The following TRABD2B variants were observed in gnomAD, a reference collection of about 807,000 sequenced individuals.
The protein encoded by TRABD2B is metalloprotease TIKI2.
In TRABD2B, 14 loss-of-function variants were observed where a neutral mutation model predicts 40.1. The ratio of observed to expected loss-of-function variants is 0.35; its 90% confidence interval spans 0.23 to 0.55. The LOEUF (loss-of-function observed/expected upper bound fraction) is 0.55. Ranked by LOEUF, TRABD2B falls within the 20% of genes least tolerant of loss-of-function variation. The pLI is 0.90. For synonymous variants in TRABD2B, 263 were observed against 277.0 expected, an observed-to-expected ratio of 0.95 and a Z score of 0.50; for missense variants, 541 against 648.6, an observed-to-expected ratio of 0.83 and a Z score of 1.80.
chr1:47,776,872 G>A (rs749651953), intron 5 of TRABD2B, among the ~76,000 whole-genome samples: 2 of 152,312 alleles, frequency 1.3e-5, no homozygotes, highest in Non-Finnish European at 2.9e-5. Context: ...CAGGCTGCCT[G>A]GAGATGCCGC....
chr1:47,776,334 T>A (rs1644447171), intron 5 of TRABD2B, among the ~76,000 whole-genome samples: 1 of 152,008 alleles, frequency 6.6e-6, no homozygotes, highest in African/African-American at 2.4e-5. Context: ...GAAGGGCAAG[T>A]TACTTAATCA....
At chr1:47,985,952 C>G (rs1001139439) in intron 2 of TRABD2B, among the ~76,000 whole-genome samples, 1 of 152,064 alleles carries the variant, frequency 6.6e-6, no homozygotes, top group African/African-American at 2.4e-5. Context: ...TGAGCAAATG[C>G]ATGGAGGCAT....
chr1:47,835,251 C>T (rs2124465126), intron 2 of TRABD2B, among the ~76,000 whole-genome samples: 1 of 151,810 alleles, frequency 6.6e-6, no homozygotes, highest in African/African-American at 2.4e-5. Flanking sequence ...GTCTGAGGAA[C>T]AAAAAGATAA....
chr1:47,833,508 A>T (rs891509072), intron 2 of TRABD2B, among the ~76,000 whole-genome samples: 4 of 152,262 alleles, frequency 2.6e-5, no homozygotes, highest in Non-Finnish European at 4.4e-5. Context: ...AGAGGTTGTC[A>T]GGAGACAGAA....
At chr1:47,987,347 T>G (rs547353964) in intron 2 of TRABD2B, among the ~76,000 whole-genome samples, 4 of 152,282 alleles carry the variant, frequency 2.6e-5, no homozygotes, top group Admixed American at 2.6e-4. Flanking sequence ...AAGTGAAGAT[T>G]CTTTGAGTCC....
At chr1:47,837,520 C>T (rs1383192247) in intron 2 of TRABD2B, among the ~76,000 whole-genome samples, 1 of 152,166 alleles carries the variant, frequency 6.6e-6, no homozygotes, top group Non-Finnish European at 1.5e-5. Context: ...CCCTCCCTGC[C>T]TCTGCTCCCG....
intron 2 of TRABD2B, among the ~76,000 whole-genome samples, chr1:47,861,509 C>T (rs191706944): frequency 6.6e-6 from 1 of 152,248 alleles, no homozygotes; most frequent in Non-Finnish European, 1.5e-5. Flanking sequence ...AACTTGATAA[C>T]CTAGATAAAA....
At chr1:47,879,610 A>G (rs1317587289) in intron 2 of TRABD2B, among the ~76,000 whole-genome samples, 6 of 152,282 alleles carry the variant, frequency 3.9e-5, no homozygotes, top group Admixed American at 3.9e-4. Flanking sequence ...AAAATAGGTA[A>G]GAAAGCAATA....
Position 47,817,757 on chromosome 1 carries a change from C to T in TRABD2B, c.667-16138G>A, listed in dbSNP as rs554658750. ...TCGCAGGACATGCAAGGAGGCCTCACTGCTCTCTCTTGTGGCCAGACTCCC... is the reference window on the plus strand; with the variant it reads ...TCGCAGGACATGCAAGGAGGCCTCATTGCTCTCTCTTGTGGCCAGACTCCC... On this transcript the variant is annotated intron_variant, in intron 2 of 6. Coordinates refer to ENST00000606738, the MANE Select transcript of TRABD2B (RefSeq NM_001194986.2). Among the ~76,000 whole-genome samples, 18 of 152,260 alleles carry T rather than the reference C, an allele frequency of 1.2e-4. No individual in the cohort carries two copies. The South Asian group carries it at 3.7e-3, about 32-fold the overall frequency.
intron 2 of TRABD2B, among the ~76,000 whole-genome samples, chr1:47,922,428 G>A (rs757747126): frequency 6.6e-6 from 1 of 152,146 alleles, no homozygotes; most frequent in African/African-American, 2.4e-5. Flanking sequence ...GGTCAAGGTG[G>A]ATCATAACAC....
In TRABD2B at chr1:47,994,773, G is replaced by T. The variant is rs1381803484; in HGVS notation, c.103-176C>A. 6.6e-6 allele frequency among the ~76,000 whole-genome samples: 1 copy of T among 152,190 alleles called. No individual in the cohort carries two copies. Among genetic ancestry groups the T allele is most frequent in the Non-Finnish European group, 1.5e-5 (1 of 68,034 alleles). On this transcript the variant is annotated intron_variant, in intron 1 of 6. Coordinates refer to ENST00000606738, the MANE Select transcript of TRABD2B (RefSeq NM_001194986.2). The surrounding 1 kb of genome is among the most constrained non-coding windows in gnomAD (Gnocchi z 6.7). ...AGACCCACATTGAAAACCTAGCTTT[G>T]CCCTGTCTTAGATGTATGATCTTGA...
At chr1:47,846,834 G>C (rs1318928063) in intron 2 of TRABD2B, among the ~76,000 whole-genome samples, 1 of 126,334 alleles carries the variant, frequency 7.9e-6, no homozygotes, top group Non-Finnish European at 1.8e-5. Context: ...CATAATGCAG[G>C]CCAGGTTAAG....
At chr1:47,789,023 G>C (rs1644634843) in intron 4 of TRABD2B, among the ~76,000 whole-genome samples, 1 of 152,162 alleles carries the variant, frequency 6.6e-6, no homozygotes, top group African/African-American at 2.4e-5. Context: ...GCATAAGACT[G>C]GACCCCACCC....
intron 2 of TRABD2B, among the ~76,000 whole-genome samples, chr1:47,890,285 T>G (rs1289260189): frequency 6.6e-6 from 1 of 152,176 alleles, no homozygotes; most frequent in Non-Finnish European, 1.5e-5. Context: ...GTGATGGATG[T>G]AATAGCAGTG....
At chr1:47,976,429 T>C (rs1449893482) in intron 2 of TRABD2B, among the ~76,000 whole-genome samples, 1 of 152,212 alleles carries the variant, frequency 6.6e-6, no homozygotes, top group Non-Finnish European at 1.5e-5. Flanking sequence ...TTGTTTCTTA[T>C]CTGTCACCTT....
At chr1:47,991,361 G>A (rs1421765949) in intron 2 of TRABD2B, among the ~76,000 whole-genome samples, 1 of 152,202 alleles carries the variant, frequency 6.6e-6, no homozygotes, top group Non-Finnish European at 1.5e-5. Context: ...GAGCTTGAAT[G>A]ATGACCTCAT....
In TRABD2B at chr1:47,813,501, T is replaced by C. The variant is rs1460389176; in HGVS notation, c.667-11882A>G. Among the ~76,000 whole-genome samples, 1 of 152,160 alleles carries C rather than the reference T, an allele frequency of 6.6e-6. No individual in the cohort carries two copies. The highest frequency in any genetic ancestry group is 2.4e-5 in the African/African-American group (1 of 41,428). ...TGAAAGGGCAGAGATCTGACCCAGT[T>C]TTAAACCTAGGACCTGCTACATGCA... is the stretch of plus-strand genomic sequence containing the variant. On this transcript the variant is annotated intron_variant, in intron 2 of 6. Coordinates refer to ENST00000606738, the MANE Select transcript of TRABD2B (RefSeq NM_001194986.2). The surrounding 1 kb of genome is among the most constrained non-coding windows in gnomAD (Gnocchi z 4.3).
chr1:47,969,353 C>T (rs1645648199), intron 2 of TRABD2B, among the ~76,000 whole-genome samples: 1 of 152,220 alleles, frequency 6.6e-6, no homozygotes, highest in South Asian at 2.1e-4. Context: ...AGTTTACACT[C>T]AGCCTGTCCC....
At chr1:47,847,541 G>A (rs1645488887) in intron 2 of TRABD2B, among the ~76,000 whole-genome samples, 1 of 152,208 alleles carries the variant, frequency 6.6e-6, no homozygotes, top group Non-Finnish European at 1.5e-5. Flanking sequence ...CTGAGGCCCA[G>A]AGCTGGAAAG....
Sources: allele counts gnomAD v4.1 joint callset (sites outside exome capture counted in the v4.1 genomes callset), GRCh38; gene constraint gnomAD v4.1.1; non-coding constraint Gnocchi (gnomAD v3.1); transcripts MANE v1.5; gene names NCBI Gene and HGNC (gene_info 2026-07-23, HGNC 2026-07-21).